SPICE1: variants seen among roughly 807,000 people sequenced by gnomAD.
The protein encoded by SPICE1 is spindle and centriole associated protein 1.
SPICE1 carries 75 observed loss-of-function variants against 102.7 expected under a neutral mutation model. The ratio of observed to expected loss-of-function variants is 0.73; its 90% CI spans 0.61 to 0.88. The LOEUF is 0.88. Among genes scored for constraint, SPICE1 ranks in the 40% least tolerant of loss-of-function variants. SPICE1 has a pLI of 0.00. For missense variants in SPICE1, 979 were observed against 1,020.1 expected (o/e 0.96, Z 0.55); for synonymous variants, 308 against 350.3 (o/e 0.88, Z 1.35).
At position 113,459,436 on chromosome 3, in the gene SPICE1, C is replaced by A. The variant is rs534534407; in HGVS notation, c.1435+1181G>T. On this transcript the variant is annotated intron_variant, in intron 12 of 17. Transcript: ENST00000295872. ...AATAAATACTAAAAAAAATTAAAAA[C>A]AAAACAAAACAAAACAAAACAAAAA... 5.0e-3 allele frequency: 4,716 copies of A among 938,596 alleles called. 15 individuals carry two copies. The highest frequency in any genetic ancestry group is 5.6e-3 in the Non-Finnish European group (4,443 of 793,374). 58.1% of individuals were successfully genotyped at this position (938,596 alleles called of 1,614,324 possible). A position where few individuals can be genotyped will look rare whatever the true frequency, so the allele number is the denominator to read the frequency against.
At position 113,443,499 on chromosome 3, in the gene SPICE1, A is replaced by G. The variant is rs938345209; in HGVS notation, c.*1808T>C. 1 of 152,218 alleles carries G rather than the reference A, an allele frequency of 6.6e-6. No individual in the cohort carries two copies. Among genetic ancestry groups the G allele is most frequent in the Non-Finnish European group, 1.5e-5 (1 of 68,046 alleles). 9.4% of individuals were successfully genotyped at this position (152,218 alleles called of 1,614,324 possible). On this transcript the variant is annotated 3_prime_UTR_variant, in exon 18 of 18. Transcript: ENST00000295872. ...TAAAGGTGCTGGGAGAGGAGGAAGC[A>G]TTTACATACCTCTAACTGATAGGTC...
intron 11 of SPICE1, 55 bp downstream of exon 11, chr3:113,465,598 T>A (rs1160626653): frequency 6.5e-7 from 1 of 1,529,496 alleles, no homozygotes; most frequent in Non-Finnish European, 8.9e-7. Context: ...CCAGTACATG[T>A]TTAAAGATGT....
At chr3:113,485,725 A>G (rs760706831) in intron 7 of SPICE1, among the ~76,000 whole-genome samples, 3 of 152,180 alleles carry the variant, frequency 2.0e-5, no homozygotes, top group Non-Finnish European at 4.4e-5. Context: ...GGAAAAATAT[A>G]CTATGTTCTT....
At position 113,514,484 on chromosome 3, in the gene SPICE1, C is replaced by G. The variant is rs1331237736; in HGVS notation, c.-1+413G>C. The stretch of plus-strand genomic sequence containing the variant: ...AGCTTGGCATTCAGACCCTCTCCCC[C>G]ATATGGCCCGGCTGACTTTTCTTTC... On this transcript the variant is annotated intron_variant, in intron 1 of 17. Coordinates refer to ENST00000295872, the MANE Select transcript of SPICE1 (RefSeq NM_144718.4). 14 of 377,438 alleles carry G rather than the reference C, an allele frequency of 3.7e-5. No individual in the cohort carries two copies. In the East Asian group the frequency reaches 1.0e-3, roughly 28 times the overall value. 23.4% of individuals were successfully genotyped at this position (377,438 alleles called of 1,614,324 possible). A position where few individuals can be genotyped will look rare whatever the true frequency, so the allele number is the denominator to read the frequency against.
chr3:113,474,741 G>A (rs541761490), intron 7 of SPICE1, among the ~76,000 whole-genome samples: 2 of 152,146 alleles, frequency 1.3e-5, no homozygotes, highest in Middle Eastern at 3.4e-3. Context: ...TGAAACCAAC[G>A]AGAACAAAGA....
chr3:113,457,122 A>G lies in SPICE1; in HGVS notation c.1657+14T>C, dbSNP rs368014984. ...TAAAAAACAACTTTCATGTAACTTT[A>G]GAAGAAGACTTACCGTCCTGAAGAG... On this transcript the variant is annotated intron_variant, in intron 13 of 17. Coordinates refer to ENST00000295872, the MANE Select transcript of SPICE1 (RefSeq NM_144718.4). 197 of 1,608,004 alleles carry G rather than the reference A, an allele frequency of 1.2e-4. No homozygotes were observed. Among genetic ancestry groups the G allele is most frequent in the Non-Finnish European group, 1.6e-4 (191 of 1,175,864 alleles).
chr3:113,449,282 C>G (rs1421068166), intron 15 of SPICE1: 3 of 152,064 alleles, frequency 2.0e-5, no homozygotes, highest in Non-Finnish European at 4.4e-5. Flanking sequence ...TATTCAAGCC[C>G]ACACATGGCA....
intron 11 of SPICE1, among the ~76,000 whole-genome samples, chr3:113,464,808 T>A (rs1484803306): frequency 6.6e-6 from 1 of 152,020 alleles, no homozygotes; most frequent in Non-Finnish European, 1.5e-5. Flanking sequence ...CCAGACAGTA[T>A]CAGAAGTGCA....
rs756085646 is a variant in SPICE1 at position 113,448,054 on chromosome 3, C to T, written c.2410G>A (p.Gly804Arg). 44 of 1,606,396 alleles carry T rather than the reference C, an allele frequency of 2.7e-5. No homozygotes were observed. The highest frequency in any genetic ancestry group is 3.4e-5 in the Non-Finnish European group (40 of 1,176,876). The change falls in exon 16 of 18, where the codon GGG (glycine) becomes AGG (arginine). Residue 804 changes from glycine to arginine, a missense_variant. Coordinates refer to ENST00000295872, the MANE Select transcript of SPICE1 (RefSeq NM_144718.4). ...GCAACTTACCTTCTTGTATTTATCC[C>T]GCTGACGGGAGAGACAGTACTACAT... ...SKCSTVSPVSGINTRRSSGAT... is the reference protein window; with the variant it reads ...SKCSTVSPVSRINTRRSSGAT...
At chr3:113,468,630 G>A (rs989847034) in intron 9 of SPICE1, 132 bp downstream of exon 9, 20 of 1,144,526 alleles carry the variant, frequency 1.7e-5, no homozygotes, top group Admixed American at 1.1e-4. Context: ...ACATTTCTTA[G>A]CTACCATTCA....
At chr3:113,474,042 A>G (rs1453438068) in intron 7 of SPICE1, among the ~76,000 whole-genome samples, 1 of 152,074 alleles carries the variant, frequency 6.6e-6, no homozygotes, top group Non-Finnish European at 1.5e-5. Flanking sequence ...CAGGAAACCC[A>G]TCTCACGTGC....
chr3:113,466,567 G>C (rs2107461562), intron 10 of SPICE1, among the ~76,000 whole-genome samples: 1 of 150,432 alleles, frequency 6.6e-6, no homozygotes, highest in Admixed American at 6.6e-5. Context: ...CCAAGATCAT[G>C]CCACTGCACT....
At chr3:113,503,480 A>G (rs1576649258) in intron 2 of SPICE1, among the ~76,000 whole-genome samples, 1 of 152,242 alleles carries the variant, frequency 6.6e-6, no homozygotes, top group Non-Finnish European at 1.5e-5. Context: ...GTCATACACT[A>G]TAGTAAAACA....
Position 113,503,245 on chromosome 3 carries a change from C to T in SPICE1, c.100-18G>A. Reference sequence around the variant, plus strand: ...ACGGTATTCTGTAAAAAAAGGTGGCCTTTCTTTAAAAAAAAAAAAAAGTTT... The same window carrying T: ...ACGGTATTCTGTAAAAAAAGGTGGCTTTTCTTTAAAAAAAAAAAAAAGTTT... On this transcript the variant is annotated intron_variant, in intron 2 of 17. Coordinates refer to ENST00000295872, the MANE Select transcript of SPICE1 (RefSeq NM_144718.4). 1 of 1,548,254 alleles carries T rather than the reference C, an allele frequency of 6.5e-7. No homozygotes were observed. Among genetic ancestry groups the T allele is most frequent in the East Asian group, 2.3e-5 (1 of 42,618 alleles).
intron 7 of SPICE1, among the ~76,000 whole-genome samples, chr3:113,477,138 A>G (rs1936370926): frequency 6.6e-6 from 1 of 152,190 alleles, no homozygotes; most frequent in Non-Finnish European, 1.5e-5. Flanking sequence ...ATGAACAGAC[A>G]CTTCTCAAAA....
intron 9 of SPICE1, among the ~76,000 whole-genome samples, 153 bp downstream of exon 9, chr3:113,468,609 T>C (rs1241892739): frequency 2.0e-5 from 3 of 152,236 alleles, no homozygotes; most frequent in Non-Finnish European, 4.4e-5. Flanking sequence ...CAGAGTTACA[T>C]GTGGTAGGAG....
intron 7 of SPICE1, among the ~76,000 whole-genome samples, chr3:113,481,984 G>A (rs958660382): frequency 3.3e-5 from 5 of 152,090 alleles, no homozygotes; most frequent in African/African-American, 7.2e-5. Flanking sequence ...TTGAGGAATC[G>A]CCACACTGTC....
chr3:113,451,711 T>C (rs1436947462), intron 14 of SPICE1, among the ~76,000 whole-genome samples: 1 of 152,186 alleles, frequency 6.6e-6, no homozygotes, highest in Non-Finnish European at 1.5e-5. Context: ...GACTCAAAAT[T>C]GAGGCAGTTG....
chr3:113,460,346 A>AG (rs756816925), intron 12 of SPICE1: 116 of 904,220 alleles, frequency 1.3e-4, no homozygotes, highest in Non-Finnish European at 1.4e-4. Context: ...GTTTCCTCTA[A>AG]GGATAACACC....
Sources: gnomAD v4.1 joint callset for allele counts (sites outside exome capture counted in the v4.1 genomes callset) on GRCh38, gnomAD v4.1.1 for gene constraint, MANE v1.5 for transcripts, NCBI Gene and HGNC (gene_info 2026-07-23, HGNC 2026-07-21) for gene names.